HECTD4: variants seen among roughly 807,000 people sequenced by gnomAD.
HECTD4 encodes HECT domain E3 ubiquitin protein ligase 4.
Under a neutral mutation model 471.5 loss-of-function variants are expected in HECTD4, and 114 were observed. The ratio of observed to expected loss-of-function variants is 0.24; its 90% confidence interval spans 0.21 to 0.28. The LOEUF (loss-of-function observed/expected upper bound fraction) is 0.28, where lower values mean the gene tolerates loss of function less well. HECTD4 is among the 10% of genes least tolerant of loss of function. The pLI is 1.00. For synonymous variants in HECTD4, 2,012 were observed against 2,256.0 expected (o/e 0.89, Z 3.07); for missense variants, 3,866 against 5,651.5 (o/e 0.68, Z 10.13).
At chr12:112,360,980 G>A (rs1397631067) in intron 1 of HECTD4, among the ~76,000 whole-genome samples, 5 of 139,854 alleles carry the variant, frequency 3.6e-5, no homozygotes, top group East Asian at 2.1e-4. Context: ...GAGAAACTCC[G>A]TCTCAAAAAA....
chr12:112,286,387 A>G (rs969487965), intron 7 of HECTD4, among the ~76,000 whole-genome samples: 14 of 152,164 alleles, frequency 9.2e-5, no homozygotes, highest in African/African-American at 3.1e-4. Context: ...TAAAAATGTA[A>G]ATAAAGCCAG....
intron 7 of HECTD4, among the ~76,000 whole-genome samples, chr12:112,294,797 A>T (rs1451082285): frequency 6.6e-6 from 1 of 152,148 alleles, no homozygotes; most frequent in African/African-American, 2.4e-5. Flanking sequence ...TCCTTTTTAT[A>T]AAAAAATTCC....
At chr12:112,360,936 A>G (rs1368176574) in intron 1 of HECTD4, among the ~76,000 whole-genome samples, 1 of 151,564 alleles carries the variant, frequency 6.6e-6, no homozygotes, top group African/African-American at 2.4e-5. Flanking sequence ...GTGAGCTGAG[A>G]TCGCGCCATT....
chr12:112,207,012 G>A (rs1472671094), intron 52 of HECTD4, among the ~76,000 whole-genome samples: 1 of 152,074 alleles, frequency 6.6e-6, no homozygotes, highest in African/African-American at 2.4e-5. Flanking sequence ...AAGAAATTGT[G>A]GCCTAAGATT....
Position 112,382,327 on chromosome 12 carries a change from T to TGCCGCCGCC in HECTD4, c.-208_-200dup, listed in dbSNP as rs558182543. 0.015 allele frequency: 5,193 copies of TGCCGCCGCC among 356,192 alleles called. 80 individuals carry two copies. The highest frequency in any genetic ancestry group is 0.016 in the Non-Finnish European group (3,434 of 211,194). The allele number at this position is 356,192 out of a possible 1,614,324, so 22.1% of individuals were successfully genotyped here. ...ACCCCGGCCCGGGAGACCCCGGCCC[T>TGCCGCCGCC]GCCGCCGCCGCCGCCGCCGCCGCCG... On this transcript the variant is annotated 5_prime_UTR_variant, in exon 1 of 76. Transcript: ENST00000682272.
Position 112,283,190 on chromosome 12 carries a change from C to G in HECTD4, c.1448G>C (p.Arg483Pro). The G allele has an allele frequency of 6.2e-7, 1 of 1,613,756 alleles. No individual in the cohort carries two copies. The highest frequency in any genetic ancestry group is 8.5e-7 in the Non-Finnish European group (1 of 1,179,836). ...INEMLLSRLS[R>P]YRASPSATLA... ...CGTTGCTGACGGGGAGGCTCTATAC[C>G]GAGAAAGTCTACTTAGAAGCATCTC... Residue 483 changes from arginine (R) to proline (P), a missense_variant, in exon 8 of 76, where the codon CGG (arginine) becomes CCG (proline). Physicochemically the swap from Arg to Pro is moderately radical, Grantham distance 103. Around this residue, in one of 16 missense-constraint regions of HECTD4, gnomAD observed 440 missense variants for 636.0 expected, o/e 0.69. Coordinates refer to ENST00000682272, the MANE Select transcript of HECTD4 (RefSeq NM_001388303.1).
chr12:112,163,647 G>A lies in HECTD4; in HGVS notation c.12792C>T (p.Ala4264=), dbSNP rs910616854. The A allele has an allele frequency of 1.8e-5, 28 of 1,540,732 alleles. No homozygotes were observed. Among genetic ancestry groups the A allele is most frequent in the Admixed American group, 6.0e-5 (3 of 49,726 alleles). The change falls in exon 74 of 76, where the codon GCC becomes GCT. Residue 4264 remains alanine (A), a synonymous_variant. Coordinates refer to ENST00000682272, the MANE Select transcript of HECTD4 (RefSeq NM_001388303.1). This position sits in a 1 kb window ranked among gnomAD's most constrained non-coding sequence, Gnocchi z 8.2. ...GCAGGGGGATGATGGAGCCCAGGCCGGCCCGCACGGCCGTCACGCACTCCA... is the reference window on the plus strand; with the variant it reads ...GCAGGGGGATGATGGAGCCCAGGCCAGCCCGCACGGCCGTCACGCACTCCA... ...QNVECVTAVR[A]GLGSIIPLQL...
rs553427703 is a variant in HECTD4 at position 112,341,823 on chromosome 12, A to G, written c.178-22081T>C. On this transcript the variant is annotated intron_variant, in intron 1 of 75. Transcript: ENST00000682272. ...CTTAACCATATGAGATAGTACTTAGATAGTCATTCAACTCCCATCTTAGCA... is the reference window on the plus strand; with the variant it reads ...CTTAACCATATGAGATAGTACTTAGGTAGTCATTCAACTCCCATCTTAGCA... 2.0e-5 allele frequency among the ~76,000 whole-genome samples: 3 copies of G among 152,344 alleles called. No individual in the cohort carries two copies. The South Asian group carries it at 6.2e-4, about 32-fold the overall frequency.
intron 23 of HECTD4, among the ~76,000 whole-genome samples, chr12:112,251,656 T>C (rs966632109): frequency 6.6e-6 from 1 of 152,248 alleles, no homozygotes; most frequent in African/African-American, 2.4e-5. Context: ...TTAATGCCAC[T>C]CTGGAGAGTC....
chr12:112,308,499 G>GTCTAGAA (rs2035312775), intron 6 of HECTD4, among the ~76,000 whole-genome samples: 3 of 149,062 alleles, frequency 2.0e-5, no homozygotes, highest in Admixed American at 1.3e-4. Flanking sequence ...ATCTTTGACT[G>GTCTAGAA]TCTAGAATTT....
chr12:112,243,404 C>A lies in HECTD4; in HGVS notation c.4907G>T (p.Gly1636Val). 6.2e-7 allele frequency: 1 copy of A among 1,612,568 alleles called. No individual in the cohort carries two copies. The highest frequency in any genetic ancestry group is 8.5e-7 in the Non-Finnish European group (1 of 1,179,296). ...CACTGGACCCACAAGATGCGTCACTCCCCCGACTCGTACGGCAGCTGTCAG... is the reference window on the plus strand; with the variant it reads ...CACTGGACCCACAAGATGCGTCACTACCCCGACTCGTACGGCAGCTGTCAG... ...ELLTAAVRVG[G>V]VTHLVGPVTM... The change falls in exon 32 of 76, where the codon GGA becomes GTA. Residue 1636 changes from glycine to valine, a missense_variant. By Grantham distance (109) the Gly-to-Val change is moderately radical. Transcript: ENST00000682272. The surrounding 1 kb of genome is among the most constrained non-coding windows in gnomAD (Gnocchi z 6.6).
chr12:112,261,591 C>A, intron 17 of HECTD4, 162 bp from the exon 18 acceptor site: 1 of 664,242 alleles, frequency 1.5e-6, no homozygotes, highest in South Asian at 2.5e-5. Context: ...AATGAGGTGG[C>A]CAGAATAAGC....
intron 47 of HECTD4, 142 bp from the exon 48 acceptor site, chr12:112,216,513 C>A: frequency 1.5e-6 from 1 of 679,434 alleles, no homozygotes; most frequent in Non-Finnish European, 2.5e-6. Flanking sequence ...ATTAAAATAC[C>A]CACACCAATA....
rs144670389 is a variant in HECTD4 at position 112,345,098 on chromosome 12, C to A, written c.178-25356G>T. The stretch of plus-strand genomic sequence containing the variant: ...GTAAGACTCCATCTTTTAAAAATTG[C>A]CAAAAATAGTAGGGTGTGATGGCAT... On this transcript the variant is annotated intron_variant, in intron 1 of 75. Coordinates refer to ENST00000682272, the MANE Select transcript of HECTD4 (RefSeq NM_001388303.1). Among the ~76,000 whole-genome samples the A allele has an allele frequency of 5.5e-4, 83 of 151,608 alleles. No individual in the cohort carries two copies. The East Asian group carries it at 0.01, about 18-fold the overall frequency.
chr12:112,262,940 T>C (rs554484543), intron 17 of HECTD4, among the ~76,000 whole-genome samples: 222 of 152,190 alleles, frequency 1.5e-3, no homozygotes, highest in Middle Eastern at 0.014. Context: ...TTGAGATTTT[T>C]TTTAATCTTT....
chr12:112,228,815 G>A lies in HECTD4; in HGVS notation c.6520-4C>T. 11 of 1,613,352 alleles carry A rather than the reference G, an allele frequency of 6.8e-6. No homozygotes were observed. Among genetic ancestry groups the A allele is most frequent in the Non-Finnish European group, 9.3e-6 (11 of 1,179,728 alleles). On this transcript the variant is annotated splice_polypyrimidine_tract_variant and splice_region_variant and intron_variant, in intron 41 of 75. Coordinates refer to ENST00000682272, the MANE Select transcript of HECTD4 (RefSeq NM_001388303.1). The surrounding 1 kb of genome is among the most constrained non-coding windows in gnomAD (Gnocchi z 4.9). ...CTGAAATTCCTCTACCTAAAACCTG[G>A]AGACAGACATAGATTAGCACTACCA...
At position 112,332,709 on chromosome 12, in the gene HECTD4, T is replaced by G. The variant is rs887744262; in HGVS notation, c.178-12967A>C. On this transcript the variant is annotated intron_variant, in intron 1 of 75. Coordinates refer to ENST00000682272, the MANE Select transcript of HECTD4 (RefSeq NM_001388303.1). ...TATTAAAGATTTGTTGTAACATAAT[T>G]CACGTACCATAAAATTCATCCACCT... 2.0e-5 allele frequency among the ~76,000 whole-genome samples: 3 copies of G among 152,044 alleles called. No individual in the cohort carries two copies. The East Asian group carries it at 5.8e-4, about 29-fold the overall frequency.
intron 7 of HECTD4, among the ~76,000 whole-genome samples, chr12:112,284,223 CTT>C (rs2034702923): frequency 6.6e-6 from 1 of 152,194 alleles, no homozygotes; most frequent in Admixed American, 6.5e-5. Context: ...AGTTCCTTCT[CTT>C]TGTTTTCAAA....
chr12:112,195,200 A>G, intron 55 of HECTD4, 134 bp from the exon 56 acceptor site: 1 of 687,048 alleles, frequency 1.5e-6, no homozygotes, highest in Non-Finnish European at 2.4e-6. Context: ...CAAACCCTAA[A>G]GGAGTCACTT....
Sources: gnomAD v4.1 joint callset for allele counts (sites outside exome capture counted in the v4.1 genomes callset) on GRCh38, gnomAD v4.1.1 for gene constraint, gnomAD v4.1.1 regional missense constraint, Gnocchi (gnomAD v3.1) non-coding constraint, MANE v1.5 for transcripts, NCBI Gene and HGNC (gene_info 2026-07-23, HGNC 2026-07-21) for gene names.